RASGEF1B: variants seen among roughly 807,000 people sequenced by gnomAD.
The protein encoded by RASGEF1B is RasGEF domain family member 1B.
In RASGEF1B, 30 loss-of-function variants were observed where a neutral mutation model predicts 65.7. The ratio of observed to expected loss-of-function variants is 0.46; its 90% CI spans 0.34 to 0.62. The LOEUF is 0.62. RASGEF1B is among the 20% of genes least tolerant of loss of function. The pLI is 0.01. For synonymous variants in RASGEF1B, 175 were observed against 194.8 expected, an observed-to-expected ratio of 0.90 and a Z score of 0.85; for missense variants, 495 against 580.1, an observed-to-expected ratio of 0.85 and a Z score of 1.51.
At chr4:81,454,532 T>C (rs1048942690) in intron 4 of RASGEF1B, 1 of 152,214 alleles carries the variant, frequency 6.6e-6, no homozygotes, top group Non-Finnish European at 1.5e-5. Flanking sequence ...CCAAGGTCAC[T>C]GAGCCAGCAC....
intron 1 of RASGEF1B, among the ~76,000 whole-genome samples, chr4:81,471,547 G>C (rs1723026881): frequency 6.6e-6 from 1 of 152,170 alleles, no homozygotes; most frequent in South Asian, 2.1e-4. Context: ...CCCGGTCCCG[G>C]GCTGTAACTC....
At position 81,439,718 on chromosome 4, in the gene RASGEF1B, A is replaced by AT. The variant is rs200573035; in HGVS notation, c.1104+1115dup. Among the ~76,000 whole-genome samples the AT allele has an allele frequency of 8.1e-4, 124 of 152,250 alleles. 3 individuals carry two copies. The East Asian group carries it at 0.019, about 24-fold the overall frequency. The stretch of plus-strand genomic sequence containing the variant: ...TGAAGCTTAAAAGACCTCATATTAG[A>AT]TTTTTTTCTCAATCTAATCACAAGA... On this transcript the variant is annotated intron_variant, in intron 10 of 13. Transcript: ENST00000264400.
chr4:81,440,952 T>C (rs1231213681), intron 9 of RASGEF1B, 23 bp from the exon 10 acceptor site: 1 of 1,419,226 alleles, frequency 7.0e-7, no homozygotes, highest in South Asian at 1.2e-5. Flanking sequence ...GAGAGAAGAA[T>C]ATTAACTATT....
chr4:81,459,143 T>C (rs1190913823), intron 2 of RASGEF1B, 189 bp downstream of exon 2: 2 of 532,402 alleles, frequency 3.8e-6, no homozygotes, highest in Non-Finnish European at 6.6e-6. Flanking sequence ...ATACACATAG[T>C]ATACCAAAAT....
At chr4:81,462,645 C>G (rs1722687886) in intron 1 of RASGEF1B, among the ~76,000 whole-genome samples, 1 of 152,208 alleles carries the variant, frequency 6.6e-6, no homozygotes, top group African/African-American at 2.4e-5. Context: ...CCCATATACT[C>G]CAGACAGAAT....
At chr4:81,428,746 G>T (rs1203013024) in intron 13 of RASGEF1B, among the ~76,000 whole-genome samples, 4 of 152,230 alleles carry the variant, frequency 2.6e-5, no homozygotes, top group Non-Finnish European at 4.4e-5. Flanking sequence ...CACAAGAAAA[G>T]AATATTTCTG....
chr4:81,457,297 G>A (rs1056288376), intron 3 of RASGEF1B, among the ~76,000 whole-genome samples: 5 of 152,316 alleles, frequency 3.3e-5, no homozygotes, highest in South Asian at 4.1e-4. Context: ...GATTACAGGC[G>A]TGAGCCAGTG....
intron 10 of RASGEF1B, among the ~76,000 whole-genome samples, chr4:81,436,013 G>A (rs1455070966): frequency 6.6e-6 from 1 of 151,554 alleles, no homozygotes; most frequent in Non-Finnish European, 1.5e-5. Flanking sequence ...ACTCATGGGG[G>A]TCAAGCAATC....
chr4:81,432,224 A>G, intron 13 of RASGEF1B, 75 bp downstream of exon 13: 2 of 903,678 alleles, frequency 2.2e-6, no homozygotes, highest in Non-Finnish European at 3.6e-6. Context: ...AGCTTCCTAT[A>G]GAACGCATGT....
chr4:81,460,099 A>G (rs1338202423), intron 1 of RASGEF1B, among the ~76,000 whole-genome samples: 1 of 152,248 alleles, frequency 6.6e-6, no homozygotes, highest in East Asian at 1.9e-4. Context: ...CTGAAAGATC[A>G]GATGCTGTTG....
chr4:81,455,506 A>AT (rs1161235736), intron 4 of RASGEF1B: 1 of 152,216 alleles, frequency 6.6e-6, no homozygotes, highest in Non-Finnish European at 1.5e-5. Flanking sequence ...AAGGAAGGTT[A>AT]TTCATAATGG....
intron 1 of RASGEF1B, among the ~76,000 whole-genome samples, chr4:81,462,877 A>C (rs142044340): frequency 6.6e-6 from 1 of 152,290 alleles, no homozygotes; most frequent in East Asian, 1.9e-4. Context: ...TGGATTCTAC[A>C]ACCACCTCAT....
At chr4:81,453,283 G>C (rs1034227043) in intron 4 of RASGEF1B, 2 of 152,092 alleles carry the variant, frequency 1.3e-5, no homozygotes, top group African/African-American at 2.4e-5. Flanking sequence ...CAGTATCCTC[G>C]GGAGATTGGT....
In RASGEF1B at chr4:81,426,905, G is replaced by T. The variant is rs1024806893; in HGVS notation, c.*863C>A. The T allele has an allele frequency of 7.8e-6, 1 of 128,756 alleles. No individual in the cohort carries two copies. Among genetic ancestry groups the T allele is most frequent in the African/African-American group, 2.9e-5 (1 of 34,182 alleles). The allele number at this position is 128,756 out of a possible 1,614,324, so 8.0% of individuals were successfully genotyped here. ...CAAGAGAAAAATAACAGGCATCATGGAAAACTAAGTAACAAAAAGCTATTG... is the reference window on the plus strand; with the variant it reads ...CAAGAGAAAAATAACAGGCATCATGTAAAACTAAGTAACAAAAAGCTATTG... On this transcript the variant is annotated 3_prime_UTR_variant, in exon 14 of 14. Transcript: ENST00000264400.
chr4:81,457,386 C>T, intron 3 of RASGEF1B, 113 bp downstream of exon 3: 1 of 952,768 alleles, frequency 1.0e-6, no homozygotes, highest in Non-Finnish European at 1.6e-6. Flanking sequence ...GCCATGATGC[C>T]ATTTATGCAC....
chr4:81,429,605 C>T (rs1721346710), intron 13 of RASGEF1B, among the ~76,000 whole-genome samples: 1 of 152,188 alleles, frequency 6.6e-6, no homozygotes, highest in Non-Finnish European at 1.5e-5. Flanking sequence ...TATAAAAACC[C>T]GAGACCGCCG....
intron 1 of RASGEF1B, among the ~76,000 whole-genome samples, chr4:81,464,277 T>C (rs1343457297): frequency 1.3e-5 from 2 of 152,198 alleles, no homozygotes; most frequent in Non-Finnish European, 2.9e-5. Context: ...ACAAAAAATT[T>C]TGTTTAGGAA....
At chr4:81,454,052 CTCT>C (rs1033343769) in intron 4 of RASGEF1B, 1 of 152,170 alleles carries the variant, frequency 6.6e-6, no homozygotes, top group African/African-American at 2.4e-5. Flanking sequence ...TTCTTATCTC[CTCT>C]TTTCATGCTC....
At chr4:81,427,871 C>T (rs1721282445) in intron 13 of RASGEF1B, 79 bp from the exon 14 acceptor site, 1 of 1,320,004 alleles carries the variant, frequency 7.6e-7, no homozygotes, top group South Asian at 1.4e-5. Flanking sequence ...TTGTGTAATA[C>T]TAATTTTATC....
Sources: gnomAD v4.1 joint callset for allele counts (sites outside exome capture counted in the v4.1 genomes callset) on GRCh38, gnomAD v4.1.1 for gene constraint, MANE v1.5 for transcripts, NCBI Gene and HGNC (gene_info 2026-07-23, HGNC 2026-07-21) for gene names.